Variants in PPEF1 observed in about 807,000 individuals in gnomAD.
PPEF1 encodes protein phosphatase with EF-hand domain 1, also known as serine/threonine-protein phosphatase with EF-hands 1.
PPEF1 carries 12 observed loss-of-function variants against 53.3 expected under a neutral mutation model. That is an observed-to-expected ratio of 0.23 (90% CI 0.14 to 0.36). The LOEUF (loss-of-function observed/expected upper bound fraction) is 0.36. Ranked by LOEUF, PPEF1 falls within the 10% of genes least tolerant of loss-of-function variation. PPEF1 has a pLI of 1.00. For synonymous variants in PPEF1, 165 were observed against 176.7 expected (o/e 0.93, Z 0.52); for missense variants, 334 against 490.4 (o/e 0.68, Z 3.01).
At chrX:18,809,574 G>C (rs767738742) in intron 12 of PPEF1, among the ~76,000 whole-genome samples, 1 of 109,080 alleles carries the variant, frequency 9.2e-6, no homozygotes, top group South Asian at 4.0e-4. Flanking sequence ...ACGTGATGGC[G>C]CACACCTGTA....
At chrX:18,770,186 G>A (rs751876012) in intron 6 of PPEF1, among the ~76,000 whole-genome samples, 32 of 111,543 alleles carry the variant, frequency 2.9e-4, no homozygotes, top group African/African-American at 1.0e-3. Context: ...AGGAAACCTG[G>A]AGAAATGTCA....
intron 1 of PPEF1, among the ~76,000 whole-genome samples, chrX:18,713,544 C>T: frequency 9.3e-6 from 1 of 108,051 alleles, no homozygotes. Flanking sequence ...GTTGGATATG[C>T]CAATCAAGGT....
chrX:18,695,733 G>A (rs952504819), intron 4 of PPEF1, among the ~76,000 whole-genome samples: 4 of 112,467 alleles, frequency 3.6e-5, no homozygotes, highest in Admixed American at 9.4e-5. Flanking sequence ...GCAGTGGTCC[G>A]AATTAAAATT....
At chrX:18,775,503 G>A (rs2045950675) in intron 6 of PPEF1, among the ~76,000 whole-genome samples, 1 of 112,057 alleles carries the variant, frequency 8.9e-6, no homozygotes, top group South Asian at 3.7e-4. Flanking sequence ...GGGATTACAG[G>A]CATGAGCCAC....
At chrX:18,770,522 A>G (rs763791268) in intron 6 of PPEF1, among the ~76,000 whole-genome samples, 1 of 111,729 alleles carries the variant, frequency 9.0e-6, no homozygotes, top group Non-Finnish European at 1.9e-5. Context: ...TCTCTTGAAG[A>G]CATGTGAGAT....
At chrX:18,691,134 T>C (rs764945098) in intron 4 of PPEF1, 4 of 112,182 alleles carry the variant, frequency 3.6e-5, no homozygotes, top group African/African-American at 1.3e-4. Context: ...GAATGGAGTA[T>C]GATCCGGGTA....
chrX:18,816,254 A>G (rs2046911237), intron 12 of PPEF1, among the ~76,000 whole-genome samples: 1 of 110,890 alleles, frequency 9.0e-6, no homozygotes, highest in African/African-American at 3.3e-5. Context: ...TCTTTGACCT[A>G]TTGGTTAAGA....
chrX:18,732,418 G>A (rs2044859004), intron 2 of PPEF1, among the ~76,000 whole-genome samples: 3 of 112,215 alleles, frequency 2.7e-5, no homozygotes, highest in Admixed American at 9.5e-5. Flanking sequence ...TTAACTTTTT[G>A]AGGAGCTGCT....
intron 2 of PPEF1, 86 bp from the exon 3 acceptor site, chrX:18,733,662 G>A (rs967605150): frequency 2.6e-6 from 2 of 773,048 alleles, no homozygotes; most frequent in Admixed American, 6.3e-5. Context: ...ACAAGAGTAA[G>A]GGCACTCGGG....
chrX:18,822,353 C>CA (rs397895822), intron 13 of PPEF1, among the ~76,000 whole-genome samples: 2,382 of 59,582 alleles, frequency 0.04, 64 homozygotes, highest in African/African-American at 0.1. Context: ...ACAAAATGTG[C>CA]AAAAAAAAAA....
intron 6 of PPEF1, among the ~76,000 whole-genome samples, chrX:18,701,301 C>T (rs1408251160): frequency 8.9e-6 from 1 of 112,103 alleles, no homozygotes; most frequent in African/African-American, 3.2e-5. Flanking sequence ...CCTGTAGGTA[C>T]CCAAAGGGTT....
intron 7 of PPEF1, 53 bp from the exon 8 acceptor site, chrX:18,782,313 A>G: frequency 9.8e-7 from 1 of 1,022,739 alleles, no homozygotes; most frequent in Non-Finnish European, 1.4e-6. Context: ...TGCATGACTC[A>G]TGGAAGTAGG....
intron 3 of PPEF1, among the ~76,000 whole-genome samples, chrX:18,687,028 G>T (rs768275915): frequency 8.1e-5 from 9 of 111,764 alleles, no homozygotes; most frequent in African/African-American, 2.3e-4. Context: ...GCATGAGATG[G>T]CTGCTCCTCC....
chrX:18,807,014 T>G (rs939211628), intron 12 of PPEF1, among the ~76,000 whole-genome samples: 3 of 32,194 alleles, frequency 9.3e-5, no homozygotes, highest in African/African-American at 2.1e-4. Context: ...GTTTTTTTTT[T>G]GTTTGTTTTT....
At chrX:18,790,753 G>T (rs2046310577) in intron 10 of PPEF1, among the ~76,000 whole-genome samples, 1 of 109,451 alleles carries the variant, frequency 9.1e-6, no homozygotes, top group Non-Finnish European at 1.9e-5. Flanking sequence ...AGGCTGGAGT[G>T]CAGTGACACG....
chrX:18,717,858 A>C (rs943972898), intron 1 of PPEF1, among the ~76,000 whole-genome samples: 3 of 111,749 alleles, frequency 2.7e-5, no homozygotes, highest in Non-Finnish European at 3.8e-5. Flanking sequence ...CATGGCTTTG[A>C]CATCAGTGTG....
At chrX:18,764,995 G>T (rs952262048) in intron 6 of PPEF1, among the ~76,000 whole-genome samples, 1 of 111,842 alleles carries the variant, frequency 8.9e-6, no homozygotes, top group Non-Finnish European at 1.9e-5. Flanking sequence ...TGAACAGGAG[G>T]AGGTGGGTGG....
chrX:18,786,470 A>G (rs1033025125), intron 9 of PPEF1, among the ~76,000 whole-genome samples: 2 of 111,893 alleles, frequency 1.8e-5, no homozygotes, highest in South Asian at 7.6e-4. Context: ...TGGGAGGATT[A>G]AATGTAATTA....
At chrX:18,800,422 C>T (rs1464044417) in intron 10 of PPEF1, among the ~76,000 whole-genome samples, 1 of 110,597 alleles carries the variant, frequency 9.0e-6, no homozygotes, top group Non-Finnish European at 1.9e-5. Flanking sequence ...TCCGTATGCA[C>T]GGGTTCTGCA....
Sources: gnomAD v4.1 joint callset for allele counts (sites outside exome capture counted in the v4.1 genomes callset) on GRCh38, gnomAD v4.1.1 for gene constraint, MANE v1.5 for transcripts, NCBI Gene and HGNC (gene_info 2026-07-23, HGNC 2026-07-21) for gene names.